Variants in SLC5A4 observed in about 807,000 individuals in gnomAD.
The protein encoded by SLC5A4 is solute carrier family 5 member 4.
In SLC5A4, 55 loss-of-function variants were observed where a neutral mutation model predicts 70.3. The ratio of observed to expected loss-of-function variants is 0.78; its 90% CI spans 0.63 to 0.98. SLC5A4 has a LOEUF of 0.98. SLC5A4 is among the 50% of genes least tolerant of loss of function. SLC5A4 has a pLI of 0.00. For synonymous variants in SLC5A4, 268 were observed against 305.7 expected (o/e 0.88, Z 1.29); for missense variants, 735 against 839.2 (o/e 0.88, Z 1.53).
the SLC5A4 span, among the ~76,000 whole-genome samples, chr22:32,280,265 C>G: frequency 1.3e-5 from 2 of 152,156 alleles, no homozygotes; most frequent in Admixed American, 6.5e-5. Flanking sequence ...ATCCACCCCC[C>G]CTCAACCTCC....
Position 32,251,818 on chromosome 22 carries a change from A to C in SLC5A4, c.264T>G (p.Ala88=). The change falls in exon 3 of 15, where the codon GCT becomes GCG. Residue 88 remains alanine, a synonymous_variant. Coordinates refer to ENST00000266086, the MANE Select transcript of SLC5A4 (RefSeq NM_014227.3). ...CGACTCCTGAAGCTGCTCCTGTCCC[A>C]GCCAGCCCCACATAGTGGTTGCTGC... is the stretch of plus-strand genomic sequence containing the variant. The part of the protein sequence containing the change: ...NIGSNHYVGL[A]GTGAASGVAT... The C allele has an allele frequency of 6.2e-7, 1 of 1,614,136 alleles. No individual in the cohort carries two copies. The highest frequency in any genetic ancestry group is 1.1e-5 in the South Asian group (1 of 91,086).
intron 5 of SLC5A4, among the ~76,000 whole-genome samples, chr22:32,241,773 ATATG>A (rs1336417571): frequency 3.7e-4 from 52 of 140,896 alleles, no homozygotes; most frequent in African/African-American, 1.1e-3. Flanking sequence ...TTACATATAT[ATATG>A]TGTGTGTGTG....
the SLC5A4 span, among the ~76,000 whole-genome samples, chr22:32,292,129 G>GATATTAT: frequency 0.14 from 10,086 of 70,236 alleles, 1,922 homozygotes; most frequent in African/African-American, 0.36. Context: ...ACATATACTA[G>GATATTAT]ATATTATATA....
At chr22:32,329,796 G>A in the SLC5A4 span, among the ~76,000 whole-genome samples, 27 of 65,722 alleles carry the variant, frequency 4.1e-4, no homozygotes, top group Non-Finnish European at 7.5e-4. Context: ...GGAGGCTCTG[G>A]TGTGTGTGTT....
chr22:32,353,182 G>A, the SLC5A4 span, among the ~76,000 whole-genome samples: 10,838 of 152,232 alleles, frequency 0.071, 827 homozygotes, highest in East Asian at 0.46. Flanking sequence ...GGGGACTGGA[G>A]ACACCACAGT....
chr22:32,225,618 C>T (rs968247914), intron 12 of SLC5A4, 37 bp downstream of exon 12: 11 of 1,453,624 alleles, frequency 7.6e-6, no homozygotes, highest in African/African-American at 4.3e-5. Flanking sequence ...TTTTTTCTCA[C>T]TCCAGCAGGG....
chr22:32,240,010 G>A (rs1391422350), intron 5 of SLC5A4, among the ~76,000 whole-genome samples: 7 of 118,190 alleles, frequency 5.9e-5, no homozygotes, highest in Admixed American at 2.0e-4. Context: ...GTGACAGAGC[G>A]AGACTCCATC....
At position 32,254,096 on chromosome 22, in the gene SLC5A4, GCACA is replaced by G. The variant is rs751350359; in HGVS notation, c.207+42_207+45del. On this transcript the variant is annotated intron_variant, in intron 2 of 14. Transcript: ENST00000266086. ...GCACCCAGCCTACATTCAGTTTTAA[GCACA>G]CACACAGGAAATTTATCTCCAGAAA... 4.7e-5 allele frequency: 68 copies of G among 1,456,238 alleles called. 2 individuals are homozygous for G. In the South Asian group the frequency reaches 7.1e-4, roughly 15 times the overall value. 90.2% of individuals were successfully genotyped at this position (1,456,238 alleles called of 1,614,324 possible).
the SLC5A4 span, among the ~76,000 whole-genome samples, chr22:32,278,449 T>C: frequency 6.6e-6 from 1 of 152,246 alleles, no homozygotes; most frequent in South Asian, 2.1e-4. Context: ...GTTAATAGAA[T>C]ATATCCCTGT....
the SLC5A4 span, among the ~76,000 whole-genome samples, chr22:32,315,481 A>G: frequency 2.6e-5 from 4 of 152,150 alleles, no homozygotes; most frequent in African/African-American, 7.2e-5. Context: ...AGAAGAGGGA[A>G]AGTAGAAATA....
the SLC5A4 span, among the ~76,000 whole-genome samples, chr22:32,291,008 CTTTTT>C: frequency 2.0e-5 from 3 of 152,086 alleles, no homozygotes; most frequent in East Asian, 5.8e-4. Flanking sequence ...GTGGTGTCTT[CTTTTT>C]AATTTCTGAT....
chr22:32,228,398 T>G (rs1925529677), intron 11 of SLC5A4, among the ~76,000 whole-genome samples: 1 of 151,880 alleles, frequency 6.6e-6, no homozygotes, highest in Admixed American at 6.6e-5. Context: ...AAAAATTATC[T>G]GGGCATGGTG....
intron 14 of SLC5A4, among the ~76,000 whole-genome samples, chr22:32,219,661 C>CAAAAAAAAAA (rs1924958658): frequency 1.4e-5 from 1 of 71,930 alleles, no homozygotes; most frequent in Non-Finnish European, 2.8e-5. Context: ...AAGAATAAAC[C>CAAAAAAAAAA]TAAATAATGT....
chr22:32,302,442 C>T, the SLC5A4 span, among the ~76,000 whole-genome samples: 2 of 152,042 alleles, frequency 1.3e-5, no homozygotes, highest in Admixed American at 6.6e-5. Flanking sequence ...TATAGTTTTA[C>T]ATTTAACATT....
At chr22:32,302,863 C>G in the SLC5A4 span, among the ~76,000 whole-genome samples, 1 of 152,176 alleles carries the variant, frequency 6.6e-6, no homozygotes, top group South Asian at 2.1e-4. Flanking sequence ...TCAAAAAAAT[C>G]TTCCTGGGAT....
At chr22:32,297,544 T>C in the SLC5A4 span, among the ~76,000 whole-genome samples, 2 of 65,154 alleles carry the variant, frequency 3.1e-5, no homozygotes, top group Non-Finnish European at 6.1e-5. Flanking sequence ...TCTTCTCTCT[T>C]TTTTTCTTTA....
At chr22:32,252,243 A>AG (rs1449728194) in intron 2 of SLC5A4, among the ~76,000 whole-genome samples, 1 of 151,840 alleles carries the variant, frequency 6.6e-6, no homozygotes, top group Non-Finnish European at 1.5e-5. Flanking sequence ...AAAAAAAAAA[A>AG]AAAGAAAATA....
the SLC5A4 span, among the ~76,000 whole-genome samples, chr22:32,268,775 G>A: frequency 1.2e-4 from 18 of 152,166 alleles, no homozygotes; most frequent in Non-Finnish European, 2.2e-4. Context: ...CGTGCTCTAG[G>A]CCTGTGCTGT....
the SLC5A4 span, among the ~76,000 whole-genome samples, chr22:32,297,501 C>T: frequency 8.8e-6 from 1 of 113,910 alleles, no homozygotes; most frequent in African/African-American, 3.3e-5. Context: ...GTGGTGATAT[C>T]CCCTTTATCA....
Sources: gnomAD v4.1 joint callset for allele counts (sites outside exome capture counted in the v4.1 genomes callset) on GRCh38, gnomAD v4.1.1 for gene constraint, MANE v1.5 for transcripts, NCBI Gene and HGNC (gene_info 2026-07-23, HGNC 2026-07-21) for gene names.